Variants in TMEM273 observed in about 807,000 individuals in gnomAD.
TMEM273 encodes chromosome 10 open reading frame 128.
A neutral mutation model predicts 17.9 loss-of-function variants in TMEM273; 19 were observed. The observed-to-expected ratio is 1.06, with a 90% CI of 0.74 to 1.55. The LOEUF is 1.55. TMEM273 is among the 40% of genes most tolerant of loss of function. The pLI is 0.00. For synonymous variants in TMEM273, 66 were observed against 62.0 expected (o/e 1.07, Z -0.31); for missense variants, 194 against 155.6 (o/e 1.25, Z -1.31).
At chr10:49,183,866 T>C (rs1353906749) in intron 1 of TMEM273, among the ~76,000 whole-genome samples, 1 of 151,728 alleles carries the variant, frequency 6.6e-6, no homozygotes, top group African/African-American at 2.4e-5. Context: ...AGGAAGTGAA[T>C]TAAGGGCCAA....
At chr10:49,161,687 C>T (rs924843155) in intron 5 of TMEM273, 65 bp from the exon 6 acceptor site, 117 of 1,605,434 alleles carry the variant, frequency 7.3e-5, no homozygotes, top group Non-Finnish European at 9.6e-5. Context: ...CAATGCAAAA[C>T]TTGCTGCAAG....
intron 1 of TMEM273, among the ~76,000 whole-genome samples, chr10:49,182,200 C>A (rs1278022261): frequency 6.6e-6 from 1 of 152,188 alleles, no homozygotes; most frequent in Non-Finnish European, 1.5e-5. Flanking sequence ...ACCAAGGATT[C>A]TTCCTTACTA....
intron 1 of TMEM273, among the ~76,000 whole-genome samples, chr10:49,169,281 C>T (rs1403015669): frequency 6.6e-6 from 1 of 152,220 alleles, no homozygotes; most frequent in Non-Finnish European, 1.5e-5. Flanking sequence ...CAAGTGACTT[C>T]ACTGGGAAAG....
At chr10:49,166,175 AC>A (rs1590200979) in intron 3 of TMEM273, among the ~76,000 whole-genome samples, 1 of 152,262 alleles carries the variant, frequency 6.6e-6, no homozygotes. Context: ...GGAAAACTGC[AC>A]CGTCATTGCA....
In TMEM273 at chr10:49,155,843, G is replaced by C; in HGVS notation, c.*49C>G. On this transcript the variant is annotated 3_prime_UTR_variant, in exon 7 of 7. Coordinates refer to ENST00000374153, the MANE Select transcript of TMEM273 (RefSeq NM_001288740.3). ...CATCCTGAGATGTTAACCATGGGCT[G>C]TTTTCCACGGGGCTAGAACCCCTCT... 6.2e-7 allele frequency: 1 copy of C among 1,614,022 alleles called. No homozygotes were observed. The highest frequency in any genetic ancestry group is 1.3e-5 in the African/African-American group (1 of 75,048).
At chr10:49,165,731 A>T in intron 4 of TMEM273, 35 bp downstream of exon 4, 1 of 1,613,238 alleles carries the variant, frequency 6.2e-7, no homozygotes, top group Non-Finnish European at 8.5e-7. Context: ...AGAGAACACG[A>T]TACCTCTCCC....
chr10:49,159,135 G>C (rs187874306), intron 6 of TMEM273, among the ~76,000 whole-genome samples: 4 of 151,900 alleles, frequency 2.6e-5, no homozygotes, highest in African/African-American at 7.2e-5. Context: ...TCTCTGAATC[G>C]TGTACATGAC....
At chr10:49,168,184 G>T (rs891379500) in intron 1 of TMEM273, among the ~76,000 whole-genome samples, 1 of 152,114 alleles carries the variant, frequency 6.6e-6, no homozygotes, top group Non-Finnish European at 1.5e-5. Context: ...TCAGTCAGCC[G>T]TTCAGCACAG....
chr10:49,165,708 C>T (rs1000095704), intron 4 of TMEM273, 58 bp downstream of exon 4: 13 of 1,605,204 alleles, frequency 8.1e-6, no homozygotes, highest in African/African-American at 4.0e-5. Context: ...GGGAGTGGCA[C>T]GGTCAAGACA....
At chr10:49,186,778 C>G (rs1329103396) in intron 1 of TMEM273, among the ~76,000 whole-genome samples, 1 of 152,186 alleles carries the variant, frequency 6.6e-6, no homozygotes, top group Non-Finnish European at 1.5e-5. Context: ...TATATGAAAG[C>G]AGAAACGAGC....
At chr10:49,164,359 C>T (rs1239892445) in intron 5 of TMEM273, among the ~76,000 whole-genome samples, 2 of 152,166 alleles carry the variant, frequency 1.3e-5, no homozygotes, top group Non-Finnish European at 2.9e-5. Context: ...TTTTCCATTG[C>T]CTCCACCTGG....
At chr10:49,165,934 T>G in intron 3 of TMEM273, 138 bp from the exon 4 acceptor site, 1 of 1,078,920 alleles carries the variant, frequency 9.3e-7, no homozygotes. Context: ...GGCTGCTATG[T>G]GATGAAGAGG....
chr10:49,156,359 G>T, intron 6 of TMEM273: 1 of 1,068,484 alleles, frequency 9.4e-7, no homozygotes, highest in Non-Finnish European at 1.2e-6. Context: ...ACTTCTCTGT[G>T]CTTGGTGTAC....
chr10:49,175,809 G>A (rs181842789), intron 1 of TMEM273, among the ~76,000 whole-genome samples: 240 of 152,350 alleles, frequency 1.6e-3, no homozygotes, highest in African/African-American at 5.6e-3. Flanking sequence ...AAGCCTTGAG[G>A]AAGACGGGGG....
chr10:49,176,459 T>C (rs1028634331), intron 1 of TMEM273, among the ~76,000 whole-genome samples: 28 of 152,014 alleles, frequency 1.8e-4, no homozygotes, highest in African/African-American at 4.6e-4. Context: ...CAGGAGCAAC[T>C]CTCAGGGCAT....
rs949777506 is a variant in TMEM273 at position 49,154,792 on chromosome 10, C to T, written c.*1100G>A. 2 of 152,172 alleles carry T rather than the reference C, an allele frequency of 1.3e-5. No individual in the cohort carries two copies. The highest frequency in any genetic ancestry group is 4.8e-5 in the African/African-American group (2 of 41,436). 9.4% of individuals were successfully genotyped at this position (152,172 alleles called of 1,614,324 possible). On this transcript the variant is annotated 3_prime_UTR_variant, in exon 7 of 7. Transcript: ENST00000374153. ...CACAGAAAATTGCTTATGAGTATCA[C>T]ATTACCGCTCTTGGTTATCAGTTAA...
chr10:49,169,893 C>A (rs72789082), intron 1 of TMEM273, among the ~76,000 whole-genome samples: 6 of 152,202 alleles, frequency 3.9e-5, no homozygotes, highest in African/African-American at 1.4e-4. Flanking sequence ...TTGCTGACAC[C>A]TCTGATCTCT....
chr10:49,185,595 A>G (rs1003459304), intron 1 of TMEM273, among the ~76,000 whole-genome samples: 9 of 152,336 alleles, frequency 5.9e-5, no homozygotes, highest in South Asian at 2.1e-4. Flanking sequence ...GTTCACAAAC[A>G]TTTACTTACT....
chr10:49,158,329 T>C (rs1260414961), intron 6 of TMEM273, among the ~76,000 whole-genome samples: 10 of 152,164 alleles, frequency 6.6e-5, no homozygotes. Context: ...GTGTTGTTTT[T>C]ATTTTCTTTG....
Sources: allele counts gnomAD v4.1 joint callset (sites outside exome capture counted in the v4.1 genomes callset), GRCh38; gene constraint gnomAD v4.1.1; transcripts MANE v1.5; gene names NCBI Gene and HGNC (gene_info 2026-07-23, HGNC 2026-07-21).